Variants in TIA1 observed in about 807,000 individuals in gnomAD.
TIA1 encodes the protein TIA1 cytotoxic granule associated RNA binding protein.
Under a neutral mutation model 65.9 loss-of-function variants are expected in TIA1, and 23 were observed. That is an observed-to-expected ratio of 0.35 (90% CI 0.25 to 0.49). TIA1 has a LOEUF of 0.49. Among genes scored for constraint, TIA1 ranks in the 20% least tolerant of loss-of-function variants. TIA1 has a pLI of 0.98. For missense variants in TIA1, 371 were observed against 477.9 expected, an observed-to-expected ratio of 0.78 and a Z score of 2.09; for synonymous variants, 147 against 149.4, an observed-to-expected ratio of 0.98 and a Z score of 0.12.
intron 5 of TIA1, chr2:70,228,682 T>C: frequency 4.1e-6 from 4 of 985,438 alleles, no homozygotes; most frequent in South Asian, 4.7e-5. Context: ...TTACCCATAT[T>C]TGACAGGCCT....
In TIA1 at chr2:70,211,999, A is replaced by T. The variant is rs1371253167; in HGVS notation, c.*720T>A. On this transcript the variant is annotated 3_prime_UTR_variant, in exon 13 of 13. Coordinates refer to ENST00000433529, the MANE Select transcript of TIA1 (RefSeq NM_022173.4). Reference sequence around the variant, plus strand: ...ATAAAAATCCTTTTAAACAAATCCAACAGGAAATTCTTGAGGCACCTTCTC... The same window carrying T: ...ATAAAAATCCTTTTAAACAAATCCATCAGGAAATTCTTGAGGCACCTTCTC... 2.0e-5 allele frequency: 3 copies of T among 152,602 alleles called. No homozygotes were observed. The highest frequency in any genetic ancestry group is 4.4e-5 in the Non-Finnish European group (3 of 68,034). 9.5% of individuals were successfully genotyped at this position (152,602 alleles called of 1,614,324 possible). A position where few individuals can be genotyped will look rare whatever the true frequency, so the allele number is the denominator to read the frequency against.
intron 11 of TIA1, 103 bp downstream of exon 11, chr2:70,215,268 T>A: frequency 6.8e-7 from 1 of 1,468,882 alleles, no homozygotes; most frequent in African/African-American, 1.4e-5. Context: ...TTATATACTA[T>A]CATTTTAGCT....
At chr2:70,241,125 A>G (rs1691491624) in intron 1 of TIA1, among the ~76,000 whole-genome samples, 1 of 152,126 alleles carries the variant, frequency 6.6e-6, no homozygotes, top group African/African-American at 2.4e-5. Flanking sequence ...GAATAGCCTC[A>G]AAGTACCTCC....
At chr2:70,241,959 A>G (rs1691980014) in intron 1 of TIA1, among the ~76,000 whole-genome samples, 1 of 152,048 alleles carries the variant, frequency 6.6e-6, no homozygotes, top group South Asian at 2.1e-4. Context: ...AATGAAGGAG[A>G]ATAAAGAGAC....
rs908853242 is a variant in TIA1, at chr2:70,217,072, T to C, written c.475-78A>G. 1.8e-5 allele frequency: 25 copies of C among 1,420,532 alleles called. No homozygotes were observed. In the African/African-American group the frequency reaches 3.0e-4, roughly 17 times the overall value. 88.0% of individuals were successfully genotyped at this position (1,420,532 alleles called of 1,614,324 possible). A position where few individuals can be genotyped will look rare whatever the true frequency, so the allele number is the denominator to read the frequency against. On this transcript the variant is annotated intron_variant, in intron 7 of 12. Transcript: ENST00000433529. The stretch of plus-strand genomic sequence containing the variant: ...AACAACTCTTAGCAGTAGAGAAAAC[T>C]TGGTGCTTTTCACAAATGTTTAAGT...
chr2:70,227,586 T>C (rs1684352216), intron 6 of TIA1, 149 bp downstream of exon 6: 1 of 478,634 alleles, frequency 2.1e-6, no homozygotes, highest in African/African-American at 2.0e-5. Flanking sequence ...CTTTTGCTGT[T>C]AACTTCTTGA....
intron 1 of TIA1, among the ~76,000 whole-genome samples, chr2:70,237,329 G>A (rs982793560): frequency 6.6e-6 from 1 of 152,024 alleles, no homozygotes; most frequent in African/African-American, 2.4e-5. Flanking sequence ...TTGAACCCAG[G>A]AGGCAGAGGC....
chr2:70,226,006 TAAC>T (rs953279874), intron 6 of TIA1, among the ~76,000 whole-genome samples: 48 of 152,250 alleles, frequency 3.2e-4, no homozygotes, highest in Admixed American at 2.1e-3. Flanking sequence ...TTATCTCCTT[TAAC>T]AACAACAAAA....
At chr2:70,233,336 A>G in intron 2 of TIA1, among the ~76,000 whole-genome samples, 1 of 152,236 alleles carries the variant, frequency 6.6e-6, no homozygotes, top group South Asian at 2.1e-4. Flanking sequence ...AGGCCAAGAC[A>G]AAGTTTAATA....
rs187367005 is a variant in TIA1 at position 70,217,184 on chromosome 2, T to C, written c.475-190A>G. 2.7e-4 allele frequency: 119 copies of C among 438,482 alleles called. 1 individual carries two copies. The East Asian group carries it at 4.9e-3, about 18-fold the overall frequency. The allele number at this position is 438,482 out of a possible 1,614,324, so 27.2% of individuals were successfully genotyped here. On this transcript the variant is annotated intron_variant, in intron 7 of 12. Transcript: ENST00000433529. ...ATATTTTTAAATTTTATTTTATTTATTTTTTCAGATAGAGTCTCGCTCTGT... is the reference window on the plus strand; with the variant it reads ...ATATTTTTAAATTTTATTTTATTTACTTTTTCAGATAGAGTCTCGCTCTGT...
chr2:70,232,616 C>T (rs564231259), intron 2 of TIA1, among the ~76,000 whole-genome samples: 1 of 144,886 alleles, frequency 6.9e-6, no homozygotes, highest in South Asian at 2.3e-4. Flanking sequence ...TGCCTGTAAT[C>T]TCAGCACTCT....
At chr2:70,220,664 C>G (rs893231894) in intron 7 of TIA1, among the ~76,000 whole-genome samples, 1 of 151,890 alleles carries the variant, frequency 6.6e-6, no homozygotes, top group African/African-American at 2.4e-5. Flanking sequence ...CTAAGCCATC[C>G]AGTTTATGAT....
chr2:70,245,679 A>C (rs1693966369), intron 1 of TIA1, among the ~76,000 whole-genome samples: 1 of 152,214 alleles, frequency 6.6e-6, no homozygotes, highest in African/African-American at 2.4e-5. Context: ...TCCTCAAAAT[A>C]ATCTTGCAGT....
At chr2:70,239,608 G>C (rs1690780477) in intron 1 of TIA1, among the ~76,000 whole-genome samples, 1 of 152,178 alleles carries the variant, frequency 6.6e-6, no homozygotes, top group African/African-American at 2.4e-5. Context: ...TGCTCACAAA[G>C]TGTGGAATCA....
At chr2:70,222,597 ATTTATAGAAGAT>A (rs1231779992) in intron 7 of TIA1, among the ~76,000 whole-genome samples, 3 of 152,220 alleles carry the variant, frequency 2.0e-5, no homozygotes, top group Non-Finnish European at 2.9e-5. Flanking sequence ...ATAGATTTAA[ATTTATAGAAGAT>A]TTTATAGAAG....
intron 8 of TIA1, 50 bp from the exon 9 acceptor site, chr2:70,216,549 G>C: frequency 1.3e-6 from 2 of 1,550,258 alleles, no homozygotes; most frequent in Admixed American, 3.5e-5. Flanking sequence ...AAAATGTGCA[G>C]AAAGAGAAAA....
intron 1 of TIA1, among the ~76,000 whole-genome samples, chr2:70,242,423 C>T (rs1004831): frequency 0.073 from 9,011 of 124,080 alleles, 332 homozygotes; most frequent in East Asian, 0.22. Flanking sequence ...CACCTGAACC[C>T]GGGAAGTGGA....
chr2:70,217,096 G>A (rs1379309300), intron 7 of TIA1, 102 bp from the exon 8 acceptor site: 11 of 1,200,380 alleles, frequency 9.2e-6, no homozygotes, highest in Non-Finnish European at 1.2e-5. Flanking sequence ...AAATGTTTAA[G>A]TGAAAATGCT....
At position 70,236,162 on chromosome 2, in the gene TIA1, G is replaced by C. The variant is rs1328025172; in HGVS notation, c.40C>G (p.Leu14Val). ...EMPKTLYVGN[L>V]SRDVTEALIL... ...AGAGCTTCTGTCACATCTCTGGAAA[G>C]GTTACCGACGTATCTGAAACACAAA... is the stretch of plus-strand genomic sequence containing the variant. The change falls in exon 2 of 13, where the codon CTT (leucine) becomes GTT (valine). Residue 14 changes from leucine (L) to valine (V), a missense_variant. Physicochemically the swap from Leu to Val is conservative, Grantham distance 32. Transcript: ENST00000433529. 1 of 1,607,340 alleles carries C rather than the reference G, an allele frequency of 6.2e-7. No homozygotes were observed. Among genetic ancestry groups the C allele is most frequent in the Non-Finnish European group, 8.5e-7 (1 of 1,175,700 alleles).
Sources: allele counts gnomAD v4.1 joint callset (sites outside exome capture counted in the v4.1 genomes callset), GRCh38; gene constraint gnomAD v4.1.1; transcripts MANE v1.5; gene names NCBI Gene and HGNC (gene_info 2026-07-23, HGNC 2026-07-21).